The following CDH8 variants were observed in gnomAD, a reference collection of about 807,000 sequenced individuals.
CDH8 encodes the protein cadherin-8.
In CDH8, 17 loss-of-function variants were observed where a neutral mutation model predicts 68.1. That is an observed-to-expected ratio of 0.25 (90% CI 0.17 to 0.37). The LOEUF is 0.37. Among genes scored for constraint, CDH8 ranks in the 10% least tolerant of loss-of-function variants. The pLI, the probability that CDH8 is intolerant of heterozygous loss-of-function variation, is 1.00. For synonymous variants in CDH8, 372 were observed against 365.1 expected (o/e 1.02, Z -0.21); for missense variants, 763 against 999.3 (o/e 0.76, Z 3.19).
intron 3 of CDH8, among the ~76,000 whole-genome samples, chr16:61,885,577 T>G (rs535534551): frequency 3.5e-4 from 53 of 152,304 alleles, no homozygotes; most frequent in African/African-American, 1.2e-3. Context: ...AGACGGATAC[T>G]GGTATTTCTC....
chr16:61,960,045 A>ATACATATATGTG, intron 2 of CDH8, among the ~76,000 whole-genome samples: 2 of 133,122 alleles, frequency 1.5e-5, no homozygotes, highest in African/African-American at 5.4e-5. Context: ...CACAACATAT[A>ATACATATATGTG]TGTATGTATG....
In CDH8 at chr16:61,898,699, AATG is replaced by A. The variant is rs1029316744; in HGVS notation, c.547+2477_547+2479del. ...TTTTGGAGAGTGGTCGAAAGAAAGA[AATG>A]AGATGATGCATTAAGATTACACAGC... On this transcript the variant is annotated intron_variant, in intron 3 of 11. Coordinates refer to ENST00000577390, the MANE Select transcript of CDH8 (RefSeq NM_001796.5). 6.2e-4 allele frequency among the ~76,000 whole-genome samples: 94 copies of A among 152,294 alleles called. 1 individual carries two copies. The highest frequency in any genetic ancestry group is 2.2e-3 in the African/African-American group (92 of 41,570).
rs1206997033 is a variant in CDH8, at chr16:61,648,213, A to T, written c.*5395T>A. Reference sequence around the variant, plus strand: ...CTGAAAATTCCTTATAACGTTTCTGAACTTCATTTTTCCTATCCATAAAAC... The same window carrying T: ...CTGAAAATTCCTTATAACGTTTCTGTACTTCATTTTTCCTATCCATAAAAC... On this transcript the variant is annotated 3_prime_UTR_variant, in exon 12 of 12. Coordinates refer to ENST00000577390, the MANE Select transcript of CDH8 (RefSeq NM_001796.5). 2 of 175,534 alleles carry T rather than the reference A, an allele frequency of 1.1e-5. No individual in the cohort carries two copies. The highest frequency in any genetic ancestry group is 1.2e-4 in the Admixed American group (2 of 16,010). 10.9% of individuals were successfully genotyped at this position (175,534 alleles called of 1,614,324 possible). A position where few individuals can be genotyped will look rare whatever the true frequency, so the allele number is the denominator to read the frequency against.
chr16:61,680,062 C>T (rs993191160), intron 10 of CDH8, among the ~76,000 whole-genome samples: 3 of 151,912 alleles, frequency 2.0e-5, no homozygotes, highest in Admixed American at 6.6e-5. Context: ...ATTTTTTAAA[C>T]TTAAGCATGT....
At chr16:61,681,452 T>C (rs1412499353) in intron 10 of CDH8, among the ~76,000 whole-genome samples, 1 of 151,930 alleles carries the variant, frequency 6.6e-6, no homozygotes, top group African/African-American at 2.4e-5. Context: ...ATTTCATTTA[T>C]TTAAAATGCC....
At chr16:61,817,312 C>CCACACACA (rs3833039) in intron 7 of CDH8, among the ~76,000 whole-genome samples, 167 bp downstream of exon 7, 38 of 148,084 alleles carry the variant, frequency 2.6e-4, no homozygotes, top group African/African-American at 3.2e-4. Context: ...CGTGTACACA[C>CCACACACA]CACACACACA....
intron 8 of CDH8, among the ~76,000 whole-genome samples, chr16:61,759,097 G>A (rs1960395846): frequency 6.6e-6 from 1 of 152,166 alleles, no homozygotes; most frequent in Non-Finnish European, 1.5e-5. Context: ...TTCACGAGGT[G>A]TCCAAAGTCA....
intron 3 of CDH8, among the ~76,000 whole-genome samples, chr16:61,861,018 T>C (rs1199987410): frequency 6.6e-6 from 1 of 152,072 alleles, no homozygotes; most frequent in Non-Finnish European, 1.5e-5. Flanking sequence ...TATAATAGGG[T>C]TATTGTGAGA....
chr16:62,020,547 T>C (rs767292011), intron 2 of CDH8, among the ~76,000 whole-genome samples: 26 of 152,044 alleles, frequency 1.7e-4, no homozygotes, highest in Non-Finnish European at 3.1e-4. Flanking sequence ...AAAATTTTGA[T>C]TCTGTACATT....
chr16:61,976,832 C>T (rs1410522361), intron 2 of CDH8, among the ~76,000 whole-genome samples: 2 of 152,148 alleles, frequency 1.3e-5, no homozygotes, highest in Non-Finnish European at 2.9e-5. Context: ...AGCATAATCC[C>T]TTGTTATCCA....
chr16:61,964,432 A>T (rs1008947504), intron 2 of CDH8, among the ~76,000 whole-genome samples: 1 of 152,110 alleles, frequency 6.6e-6, no homozygotes, highest in Non-Finnish European at 1.5e-5. Context: ...CAATTCACAT[A>T]ACAATCATAT....
rs946389612 is a variant in CDH8, at chr16:61,648,854, C to A, written c.*4754G>T. ...TAACGCTAGGTCTGTGCTCAAAATA[C>A]TAGGACTAGAATATCTTCAATAGCA... On this transcript the variant is annotated 3_prime_UTR_variant, in exon 12 of 12. Coordinates refer to ENST00000577390, the MANE Select transcript of CDH8 (RefSeq NM_001796.5). The A allele has an allele frequency of 1.3e-5, 2 of 151,864 alleles. No individual in the cohort carries two copies. Among genetic ancestry groups the A allele is most frequent in the African/African-American group, 4.8e-5 (2 of 41,396 alleles). The allele number at this position is 151,864 out of a possible 1,614,324, so 9.4% of individuals were successfully genotyped here.
chr16:61,727,055 T>A, intron 9 of CDH8, 39 bp downstream of exon 9: 1 of 1,604,850 alleles, frequency 6.2e-7, no homozygotes. Flanking sequence ...GACAGTTGTA[T>A]ACAAACATAT....
intron 2 of CDH8, among the ~76,000 whole-genome samples, chr16:61,957,360 G>A (rs1019716487): frequency 1.3e-5 from 2 of 152,082 alleles, no homozygotes; most frequent in Admixed American, 6.6e-5. Context: ...AAAGAATGTC[G>A]ATTTAAGAGC....
intron 2 of CDH8, among the ~76,000 whole-genome samples, chr16:61,986,433 A>G (rs1435260464): frequency 6.6e-6 from 1 of 152,080 alleles, no homozygotes; most frequent in Non-Finnish European, 1.5e-5. Flanking sequence ...GATTGTATAT[A>G]CCTGGTGATA....
At chr16:61,929,358 C>T (rs951239083) in intron 2 of CDH8, among the ~76,000 whole-genome samples, 7 of 152,134 alleles carry the variant, frequency 4.6e-5, no homozygotes, top group Non-Finnish European at 7.3e-5. Flanking sequence ...GAATCCAGAG[C>T]TCTTTCTCTT....
chr16:61,885,974 C>G (rs1963665537), intron 3 of CDH8, among the ~76,000 whole-genome samples: 2 of 152,082 alleles, frequency 1.3e-5, no homozygotes, highest in Non-Finnish European at 2.9e-5. Context: ...TTTTTTCTTA[C>G]TGAACTGAGA....
At position 61,807,501 on chromosome 16, in the gene CDH8, A is replaced by AAAAC. The variant is rs142220039; in HGVS notation, c.1277+9974_1277+9977dup. Among the ~76,000 whole-genome samples, 23 of 152,188 alleles carry AAAAC rather than the reference A, an allele frequency of 1.5e-4. No individual in the cohort carries two copies. The East Asian group carries it at 4.1e-3, about 27-fold the overall frequency. On this transcript the variant is annotated intron_variant, in intron 7 of 11. Transcript: ENST00000577390. ...TAAAAAAAACAAAAAACAAAAAACA[A>AAAAC]AAACAAACAAACAAACAAAAAATTC...
chr16:62,004,458 C>T (rs1270143530), intron 2 of CDH8, among the ~76,000 whole-genome samples: 1 of 152,000 alleles, frequency 6.6e-6, no homozygotes, highest in Non-Finnish European at 1.5e-5. Flanking sequence ...AAAGGTATTG[C>T]AAGGTAGGAT....
Sources: gnomAD v4.1 joint callset for allele counts (sites outside exome capture counted in the v4.1 genomes callset) on GRCh38, gnomAD v4.1.1 for gene constraint, MANE v1.5 for transcripts, NCBI Gene and HGNC (gene_info 2026-07-23, HGNC 2026-07-21) for gene names.